The following SLC16A7 variants were observed in gnomAD, a reference collection of about 807,000 sequenced individuals.
SLC16A7 encodes monocarboxylate transporter 2.
SLC16A7 carries 33 observed loss-of-function variants against 34.9 expected under a neutral mutation model. The ratio of observed to expected loss-of-function variants is 0.94; its 90% CI spans 0.72 to 1.26. SLC16A7 has a LOEUF of 1.26. SLC16A7 is among the 50% of genes most tolerant of loss of function. The pLI is 0.00. For synonymous variants in SLC16A7, 201 were observed against 206.6 expected, an observed-to-expected ratio of 0.97 and a Z score of 0.23; for missense variants, 573 against 578.1, an observed-to-expected ratio of 0.99 and a Z score of 0.09.
intron 2 of SLC16A7, among the ~76,000 whole-genome samples, chr12:59,701,322 G>T: frequency 6.6e-6 from 1 of 150,744 alleles, no homozygotes; most frequent in Non-Finnish European, 1.5e-5. Flanking sequence ...GTGTTACAGA[G>T]TAAATGATGG....
intron 2 of SLC16A7, among the ~76,000 whole-genome samples, chr12:59,704,370 A>T (rs1310063960): frequency 6.6e-6 from 1 of 152,128 alleles, no homozygotes; most frequent in South Asian, 2.1e-4. Context: ...TTAGCCTTAA[A>T]CAGGAAGGAA....
chr12:59,666,173 CTG>C (rs1869187866), intron 2 of SLC16A7, among the ~76,000 whole-genome samples: 2 of 152,074 alleles, frequency 1.3e-5, no homozygotes, highest in African/African-American at 4.8e-5. Context: ...ATCAAACTCT[CTG>C]TTTACTTGCT....
At chr12:59,752,525 T>A (rs528143437) in intron 3 of SLC16A7, among the ~76,000 whole-genome samples, 181 of 151,850 alleles carry the variant, frequency 1.2e-3, no homozygotes, top group Non-Finnish European at 2.2e-3. Context: ...ATGAAATGAA[T>A]GAAATGAAGC....
chr12:59,742,585 A>G (rs987316732), intron 3 of SLC16A7, among the ~76,000 whole-genome samples: 11 of 152,190 alleles, frequency 7.2e-5, no homozygotes, highest in Non-Finnish European at 5.9e-5. Flanking sequence ...GCAAGGAAAA[A>G]TATCCTAATG....
At chr12:59,660,246 G>A (rs1038413487) in intron 2 of SLC16A7, among the ~76,000 whole-genome samples, 1 of 151,828 alleles carries the variant, frequency 6.6e-6, no homozygotes, top group Non-Finnish European at 1.5e-5. Flanking sequence ...AACAGGCTGA[G>A]GCCTTTCACA....
At chr12:59,679,121 C>A (rs1565644967) in intron 2 of SLC16A7, among the ~76,000 whole-genome samples, 1 of 152,146 alleles carries the variant, frequency 6.6e-6, no homozygotes. Flanking sequence ...TGCAGAGATG[C>A]CAGCATCCAC....
At chr12:59,673,803 G>T (rs1259987261) in intron 2 of SLC16A7, among the ~76,000 whole-genome samples, 1 of 152,002 alleles carries the variant, frequency 6.6e-6, no homozygotes, top group Non-Finnish European at 1.5e-5. Context: ...GGACATCATT[G>T]GTTATCTAAC....
At chr12:59,749,899 A>G (rs1045222359) in intron 3 of SLC16A7, among the ~76,000 whole-genome samples, 5 of 152,196 alleles carry the variant, frequency 3.3e-5, no homozygotes, top group African/African-American at 1.2e-4. Context: ...CTTGATGGAG[A>G]TGAAAGTTTC....
chr12:59,679,902 C>T (rs1870611474), intron 2 of SLC16A7, among the ~76,000 whole-genome samples: 1 of 152,126 alleles, frequency 6.6e-6, no homozygotes, highest in South Asian at 2.1e-4. Context: ...AAGTTATTGC[C>T]ACTGAAACGA....
At chr12:59,695,090 A>AT (rs999364325) in intron 2 of SLC16A7, among the ~76,000 whole-genome samples, 6 of 150,974 alleles carry the variant, frequency 4.0e-5, no homozygotes, top group East Asian at 2.0e-4. Context: ...AATTATATTA[A>AT]TTTTTTTTTC....
At position 59,696,451 on chromosome 12, in the gene SLC16A7, A is replaced by C. The variant is rs919844034; in HGVS notation, c.-30-8321A>C. On this transcript the variant is annotated intron_variant, in intron 2 of 5. Coordinates refer to ENST00000547379, the MANE Select transcript of SLC16A7 (RefSeq NM_001270623.2). ...GTATTGCCTTCAAATATCACTCTTC[A>C]AAGTTTAGTGACTAGGCTTAAAGAT... The C allele has an allele frequency of 3.3e-5, 5 of 152,150 alleles. No individual in the cohort carries two copies. In the East Asian group the frequency reaches 9.7e-4, roughly 29 times the overall value. 9.4% of individuals were successfully genotyped at this position (152,150 alleles called of 1,614,324 possible).
intron 1 of SLC16A7, among the ~76,000 whole-genome samples, chr12:59,621,271 TTA>T (rs765351112): frequency 3.8e-4 from 57 of 151,990 alleles, no homozygotes; most frequent in Non-Finnish European, 6.2e-4. Flanking sequence ...GCCATGTTGT[TTA>T]TAGTCTTCTT....
chr12:59,640,953 G>C (rs934660843), intron 1 of SLC16A7, among the ~76,000 whole-genome samples: 1 of 151,874 alleles, frequency 6.6e-6, no homozygotes, highest in Non-Finnish European at 1.5e-5. Context: ...TGCTTAGAAA[G>C]GTTTCTAGTT....
rs562330948 is a variant in SLC16A7, at chr12:59,617,557, A to G, written c.-130+21321A>G. On this transcript the variant is annotated intron_variant, in intron 1 of 5. Transcript: ENST00000547379. ...GTACTTAAACTTGGATTTTATTCTC[A>G]CAGTTCTAAACATGTGACCTGATCT... Among the ~76,000 whole-genome samples, 5 of 152,108 alleles carry G rather than the reference A, an allele frequency of 3.3e-5. No homozygotes were observed. The South Asian group carries it at 1.0e-3, about 32-fold the overall frequency.
chr12:59,764,318 A>AT (rs1451820118), intron 3 of SLC16A7, among the ~76,000 whole-genome samples: 2 of 151,726 alleles, frequency 1.3e-5, no homozygotes, highest in South Asian at 2.1e-4. Flanking sequence ...AAGCTAGTAC[A>AT]TTTTTTTGTT....
At chr12:59,655,973 C>G (rs1366017627) in intron 2 of SLC16A7, among the ~76,000 whole-genome samples, 1 of 152,022 alleles carries the variant, frequency 6.6e-6, no homozygotes, top group Non-Finnish European at 1.5e-5. Flanking sequence ...AGTCTATACT[C>G]TTTCAAATGA....
chr12:59,750,967 A>G (rs1458601236), intron 3 of SLC16A7, among the ~76,000 whole-genome samples: 1 of 152,038 alleles, frequency 6.6e-6, no homozygotes, highest in East Asian at 1.9e-4. Context: ...AGGAACAGAA[A>G]ACCAAACACC....
chr12:59,770,699 C>A (rs1882136681), intron 3 of SLC16A7, among the ~76,000 whole-genome samples: 1 of 151,934 alleles, frequency 6.6e-6, no homozygotes, highest in East Asian at 1.9e-4. Context: ...GATGTGAAAA[C>A]AATAGGTGTC....
chr12:59,760,926 A>G (rs1340061021), intron 3 of SLC16A7, among the ~76,000 whole-genome samples: 6 of 152,174 alleles, frequency 3.9e-5, no homozygotes, highest in South Asian at 2.1e-4. Context: ...ACATGAAGCA[A>G]GGAGCAGATT....
Sources: gnomAD v4.1 joint callset for allele counts (sites outside exome capture counted in the v4.1 genomes callset) on GRCh38, gnomAD v4.1.1 for gene constraint, MANE v1.5 for transcripts, NCBI Gene and HGNC (gene_info 2026-07-23, HGNC 2026-07-21) for gene names.